The following WDR6 variants were observed in gnomAD, a reference collection of about 807,000 sequenced individuals.
The protein encoded by WDR6 is tRNA (34-2'-O)-methyltransferase regulator WDR6.
WDR6 carries 58 observed loss-of-function variants against 85.6 expected under a neutral mutation model. The observed-to-expected ratio is 0.68, with a 90% CI of 0.55 to 0.84. The LOEUF is 0.84. Among genes scored for constraint, WDR6 ranks in the 40% least tolerant of loss-of-function variants. WDR6 has a pLI of 0.00. For synonymous variants in WDR6, 569 were observed against 582.2 expected (o/e 0.98, Z 0.33); for missense variants, 1,310 against 1,476.4 (o/e 0.89, Z 1.85).
rs2092990723 is a variant in WDR6 at position 49,007,655 on chromosome 3, C to T, written c.100+124C>T. On this transcript the variant is annotated intron_variant, in intron 1 of 5. Coordinates refer to ENST00000608424, the MANE Select transcript of WDR6 (RefSeq NM_018031.6). This position sits in a 1 kb window ranked among gnomAD's most constrained non-coding sequence, Gnocchi z 5.1. ...GGACGGGCAGCAGGTTGAGGCCGAT[C>T]GGAGGTGGGAAGGGAGCCCCGGAGA... 3 of 1,342,786 alleles carry T rather than the reference C, an allele frequency of 2.2e-6. No homozygotes were observed. The highest frequency in any genetic ancestry group is 3.3e-5 in the Admixed American group (1 of 30,240). 83.2% of individuals were successfully genotyped at this position (1,342,786 alleles called of 1,614,324 possible).
chr3:49,015,787 T>G lies in WDR6; in HGVS notation c.*499T>G. Reference sequence around the variant, plus strand: ...ATACCTCTCTGCACGTCCCACCCCATTTTGCTGTGTGCTCACCCCCAGGAT... The same window carrying G: ...ATACCTCTCTGCACGTCCCACCCCAGTTTGCTGTGTGCTCACCCCCAGGAT... On this transcript the variant is annotated 3_prime_UTR_variant, in exon 6 of 6. Transcript: ENST00000608424. The G allele has an allele frequency of 6.2e-7, 1 of 1,614,020 alleles. No homozygotes were observed. Among genetic ancestry groups the G allele is most frequent in the Non-Finnish European group, 8.5e-7 (1 of 1,179,938 alleles).
chr3:49,013,276 A>G lies in WDR6; in HGVS notation c.1742A>G (p.Tyr581Cys), dbSNP rs374804063. ...GVTSVTCHGG[Y>C]VYTTGRDGAY... The stretch of plus-strand genomic sequence containing the variant: ...ACCTCAGTCACATGCCATGGTGGCT[A>G]TGTGTATACCACAGGGCGTGATGGA... Residue 581 changes from tyrosine (Y) to cysteine (C), a missense_variant, in exon 2 of 6, where the codon TAT becomes TGT. Transcript: ENST00000608424. The surrounding 1 kb of genome is among the most constrained non-coding windows in gnomAD (Gnocchi z 4.6). 33 of 1,613,954 alleles carry G rather than the reference A, an allele frequency of 2.0e-5. No individual in the cohort carries two copies. In the South Asian group the frequency reaches 3.3e-4, roughly 16 times the overall value.
In WDR6 at chr3:49,015,908, T is replaced by C. The variant is rs2093059561; in HGVS notation, c.*620T>C. On this transcript the variant is annotated 3_prime_UTR_variant, in exon 6 of 6. Transcript: ENST00000608424. ...AGACTGAGTCACTGGCCCATCTCTTTGCTCTTGTGCCCCAGGCCAGAATAA... is the reference window on the plus strand; with the variant it reads ...AGACTGAGTCACTGGCCCATCTCTTCGCTCTTGTGCCCCAGGCCAGAATAA... The C allele has an allele frequency of 6.2e-7, 1 of 1,614,218 alleles. No individual in the cohort carries two copies. Among genetic ancestry groups the C allele is most frequent in the Non-Finnish European group, 8.5e-7 (1 of 1,180,042 alleles).
rs1380169774 is a variant in WDR6 at position 49,014,136 on chromosome 3, A to G, written c.2582+20A>G. The G allele has an allele frequency of 1.2e-6, 2 of 1,613,622 alleles. No homozygotes were observed. Among genetic ancestry groups the G allele is most frequent in the Admixed American group, 3.3e-5 (2 of 60,020 alleles). On this transcript the variant is annotated intron_variant, in intron 2 of 5. Coordinates refer to ENST00000608424, the MANE Select transcript of WDR6 (RefSeq NM_018031.6). This position sits in a 1 kb window ranked among gnomAD's most constrained non-coding sequence, Gnocchi z 4.9. The stretch of plus-strand genomic sequence containing the variant: ...GACCAGGTAATATATGCTCCTGGGC[A>G]GGGTGTGGTATGGGTCATGCAGATG...
Position 49,007,756 on chromosome 3 carries a change from A to G in WDR6, c.100+225A>G. 8.3e-7 allele frequency: 1 copy of G among 1,208,498 alleles called. No homozygotes were observed. Among genetic ancestry groups the G allele is most frequent in the Non-Finnish European group, 1.1e-6 (1 of 941,890 alleles). The allele number at this position is 1,208,498 out of a possible 1,614,324, so 74.9% of individuals were successfully genotyped here. ...TGATGTGGCCGCCGCGGCGCTTCAT[A>G]AACTTCAGCCCGCGTGGAAAGGGCG... On this transcript the variant is annotated intron_variant, in intron 1 of 5. Coordinates refer to ENST00000608424, the MANE Select transcript of WDR6 (RefSeq NM_018031.6). The surrounding 1 kb of genome is among the most constrained non-coding windows in gnomAD (Gnocchi z 5.1).
rs1490567625 is a variant in WDR6, at chr3:49,014,243, G to C, written c.2616G>C (p.Gln872His). 11 of 1,614,162 alleles carry C rather than the reference G, an allele frequency of 6.8e-6. No individual in the cohort carries two copies. Among genetic ancestry groups the C allele is most frequent in the African/African-American group, 2.7e-5 (2 of 75,038 alleles). ...CCCTTGCTGTGTGTGAACTTGACCA[G>C]CCCGGCCTTGGCCCCCTTGTGGCTG... ...YMSLAVCELD[Q>H]PGLGPLVAAA... The change falls in exon 3 of 6, where the codon CAG (glutamine) becomes CAC (histidine). Residue 872 changes from glutamine to histidine, a missense_variant. By Grantham distance (24) the Gln-to-His change is conservative. Transcript: ENST00000608424. This position sits in a 1 kb window ranked among gnomAD's most constrained non-coding sequence, Gnocchi z 4.9.
chr3:49,009,576 C>A (rs1371112638), intron 1 of WDR6, among the ~76,000 whole-genome samples: 1 of 152,088 alleles, frequency 6.6e-6, no homozygotes, highest in Admixed American at 6.5e-5. Context: ...TTGCCAGTAG[C>A]ACAACCCCTG....
chr3:49,009,298 C>A (rs2093002007), intron 1 of WDR6, among the ~76,000 whole-genome samples: 1 of 115,542 alleles, frequency 8.7e-6, no homozygotes, highest in East Asian at 3.0e-4. Context: ...TGCAAACCCT[C>A]CCATTGCTCC....
In WDR6 at chr3:49,013,110, A is replaced by C; in HGVS notation, c.1576A>C (p.Lys526Gln). The C allele has an allele frequency of 6.2e-7, 1 of 1,608,878 alleles. No individual in the cohort carries two copies. Among genetic ancestry groups the C allele is most frequent in the South Asian group, 1.1e-5 (1 of 90,610 alleles). ...LLFPSRPGLL[K>Q]DPGVGGKARA... ...ATTCCCCTCCAGACCAGGTCTGCTC[A>C]AGGACCCTGGGGTGGGAGGCAAGGC... The change falls in exon 2 of 6, where the codon AAG (lysine) becomes CAG (glutamine). Residue 526 changes from lysine to glutamine, a missense_variant. Transcript: ENST00000608424. The surrounding 1 kb of genome is among the most constrained non-coding windows in gnomAD (Gnocchi z 4.6).
In WDR6 at chr3:49,014,037, C is replaced by T. The variant is rs1559898549; in HGVS notation, c.2503C>T (p.Leu835Phe). Residue 835 changes from leucine to phenylalanine, a missense_variant, in exon 2 of 6, where the codon CTT becomes TTT. Coordinates refer to ENST00000608424, the MANE Select transcript of WDR6 (RefSeq NM_018031.6). The surrounding 1 kb of genome is among the most constrained non-coding windows in gnomAD (Gnocchi z 4.9). ...CCGCCTCGCCTGCCATGTCATGCAC[C>T]TTTCGTCCCACCGGCTAGATGAGTA... ...PSRLACHVMH[L>F]SSHRLDEYWD... 1.9e-6 allele frequency: 3 copies of T among 1,612,582 alleles called. No homozygotes were observed. Among genetic ancestry groups the T allele is most frequent in the South Asian group, 1.1e-5 (1 of 91,088 alleles).
At chr3:49,011,310 C>G in intron 1 of WDR6, 1 of 568,982 alleles carries the variant, frequency 1.8e-6, no homozygotes, top group Non-Finnish European at 2.8e-6. Flanking sequence ...AACCCCTGAC[C>G]TCAGGTGATT....
rs754241789 is a variant in WDR6 at position 49,014,093 on chromosome 3, G to T, written c.2559G>T (p.Met853Ile). ...YWDRQRNRHR[M>I]VKVDPETRYM... Reference sequence around the variant, plus strand: ...ACCGGCAACGCAATCGGCATCGGATGGTTAAGGTAGACCCAGAGACCAGGT... The same window carrying T: ...ACCGGCAACGCAATCGGCATCGGATTGTTAAGGTAGACCCAGAGACCAGGT... Residue 853 changes from methionine (M) to isoleucine (I), a missense_variant, in exon 2 of 6, where the codon ATG becomes ATT. By Grantham distance (10) the Met-to-Ile change is conservative. Coordinates refer to ENST00000608424, the MANE Select transcript of WDR6 (RefSeq NM_018031.6). The surrounding 1 kb of genome is among the most constrained non-coding windows in gnomAD (Gnocchi z 4.9). 2 of 1,613,354 alleles carry T rather than the reference G, an allele frequency of 1.2e-6. No individual in the cohort carries two copies. The highest frequency in any genetic ancestry group is 1.7e-6 in the Non-Finnish European group (2 of 1,179,642).
chr3:49,014,371 C>T lies in WDR6; in HGVS notation c.2667-12C>T, dbSNP rs772030690. The stretch of plus-strand genomic sequence containing the variant: ...GGATGCGTTCTGAGCTGGGCCACCC[C>T]CCGCCCCCCAGGCTCTTTCTTTTGC... On this transcript the variant is annotated splice_polypyrimidine_tract_variant and intron_variant, in intron 3 of 5. Coordinates refer to ENST00000608424, the MANE Select transcript of WDR6 (RefSeq NM_018031.6). This position sits in a 1 kb window ranked among gnomAD's most constrained non-coding sequence, Gnocchi z 4.9. The T allele has an allele frequency of 2.5e-6, 4 of 1,614,056 alleles. No homozygotes were observed.
rs779920546 is a variant in WDR6, at chr3:49,014,456, C to G, written c.2740C>G (p.Leu914Val). ...AETFHHKRCV[L>V]KVHSFTHEAP... ...AACCTTCCACCATAAGCGATGTGTC[C>G]TCAAGGTCCACTCCTTTACACACGA... Residue 914 changes from leucine to valine, a missense_variant, in exon 4 of 6, where the codon CTC becomes GTC. By Grantham distance (32) the Leu-to-Val change is conservative (BLOSUM62 1). Coordinates refer to ENST00000608424, the MANE Select transcript of WDR6 (RefSeq NM_018031.6). The surrounding 1 kb of genome is among the most constrained non-coding windows in gnomAD (Gnocchi z 4.9). The G allele has an allele frequency of 1.9e-6, 3 of 1,614,154 alleles. No homozygotes were observed. The Admixed American group carries it at 5.0e-5, about 27-fold the overall frequency.
Position 49,007,766 on chromosome 3 carries a change from C to A in WDR6, c.100+235C>A, listed in dbSNP as rs1259619267. The A allele has an allele frequency of 8.5e-7, 1 of 1,177,144 alleles. No homozygotes were observed. Among genetic ancestry groups the A allele is most frequent in the Non-Finnish European group, 1.1e-6 (1 of 916,686 alleles). 72.9% of individuals were successfully genotyped at this position (1,177,144 alleles called of 1,614,324 possible). On this transcript the variant is annotated intron_variant, in intron 1 of 5. Coordinates refer to ENST00000608424, the MANE Select transcript of WDR6 (RefSeq NM_018031.6). This position sits in a 1 kb window ranked among gnomAD's most constrained non-coding sequence, Gnocchi z 5.1. ...GCCGCGGCGCTTCATAAACTTCAGCCCGCGTGGAAAGGGCGGGTGGAACCG... is the reference window on the plus strand; with the variant it reads ...GCCGCGGCGCTTCATAAACTTCAGCACGCGTGGAAAGGGCGGGTGGAACCG...
chr3:49,013,852 A>C lies in WDR6; in HGVS notation c.2318A>C (p.His773Pro), dbSNP rs201414801. 7.3e-5 allele frequency: 118 copies of C among 1,613,920 alleles called. No homozygotes were observed. Among genetic ancestry groups the C allele is most frequent in the Non-Finnish European group, 9.4e-5 (111 of 1,180,022 alleles). ...CACGCACTCACAGCTGTTTGTAACC[A>C]TATCTCCTCGGTACGTGCTGTGGCT... is the stretch of plus-strand genomic sequence containing the variant. ...SAHALTAVCN[H>P]ISSVRAVAVW... Residue 773 changes from histidine to proline, a missense_variant, in exon 2 of 6, where the codon CAT becomes CCT. By Grantham distance (77) the His-to-Pro change is moderately conservative. Coordinates refer to ENST00000608424, the MANE Select transcript of WDR6 (RefSeq NM_018031.6). The surrounding 1 kb of genome is among the most constrained non-coding windows in gnomAD (Gnocchi z 4.6).
chr3:49,012,851 C>T lies in WDR6; in HGVS notation c.1317C>T (p.His439=), dbSNP rs777721644. 1 of 1,613,822 alleles carries T rather than the reference C, an allele frequency of 6.2e-7. No homozygotes were observed. Among genetic ancestry groups the T allele is most frequent in the African/African-American group, 1.3e-5 (1 of 74,994 alleles). The change falls in exon 2 of 6, where the codon CAC becomes CAT. Residue 439 remains histidine, a synonymous_variant. Transcript: ENST00000608424. This position sits in a 1 kb window ranked among gnomAD's most constrained non-coding sequence, Gnocchi z 4.4. ...VDQTLFPGKV[H]SLSWALRGYE... ...AGACCCTGTTTCCTGGGAAGGTGCA[C>T]AGCTTGAGCTGGGCCCTGCGTGGTT...
Position 49,013,878 on chromosome 3 carries a change from G to A in WDR6, c.2344G>A (p.Val782Met), listed in dbSNP as rs771841174. 2 of 1,614,058 alleles carry A rather than the reference G, an allele frequency of 1.2e-6. No individual in the cohort carries two copies. The highest frequency in any genetic ancestry group is 1.1e-5 in the South Asian group (1 of 91,082). Residue 782 changes from valine to methionine, a missense_variant, in exon 2 of 6, where the codon GTG becomes ATG. Physicochemically the swap from Val to Met is conservative, Grantham distance 21. Transcript: ENST00000608424. This position sits in a 1 kb window ranked among gnomAD's most constrained non-coding sequence, Gnocchi z 4.6. Reference sequence around the variant, plus strand: ...TATCTCCTCGGTACGTGCTGTGGCTGTGTGGGGCATTGGCACCCCAGGTGG... The same window carrying A: ...TATCTCCTCGGTACGTGCTGTGGCTATGTGGGGCATTGGCACCCCAGGTGG... ...NHISSVRAVA[V>M]WGIGTPGGPQ... is the part of the protein sequence containing the mutation.
At position 49,014,882 on chromosome 3, in the gene WDR6, A is replaced by T; in HGVS notation, c.2960A>T (p.His987Leu). The change falls in exon 6 of 6, where the codon CAC becomes CTC. Residue 987 changes from histidine (H) to leucine (L), a missense_variant. By Grantham distance (99) the His-to-Leu change is moderately conservative. Coordinates refer to ENST00000608424, the MANE Select transcript of WDR6 (RefSeq NM_018031.6). This position sits in a 1 kb window ranked among gnomAD's most constrained non-coding sequence, Gnocchi z 4.9. Reference protein sequence around the residue: ...QAHSCGINSLHTLPTREGHHL... With the variant: ...QAHSCGINSLLTLPTREGHHL... Reference sequence around the variant, plus strand: ...CACAGCTGTGGTATCAACAGCCTGCACACCTTGCCCACCCGTGAGGGCCAC... The same window carrying T: ...CACAGCTGTGGTATCAACAGCCTGCTCACCTTGCCCACCCGTGAGGGCCAC... 1 of 1,613,198 alleles carries T rather than the reference A, an allele frequency of 6.2e-7. No individual in the cohort carries two copies. Among genetic ancestry groups the T allele is most frequent in the African/African-American group, 1.3e-5 (1 of 74,942 alleles).
Sources: gnomAD v4.1 joint callset for allele counts (sites outside exome capture counted in the v4.1 genomes callset) on GRCh38, gnomAD v4.1.1 for gene constraint, Gnocchi (gnomAD v3.1) non-coding constraint, MANE v1.5 for transcripts, NCBI Gene and HGNC (gene_info 2026-07-23, HGNC 2026-07-21) for gene names.